ANKRD66: variants seen among roughly 807,000 people sequenced by gnomAD.
The protein encoded by ANKRD66 is ankyrin repeat domain-containing protein 66.
A neutral mutation model predicts 10.9 loss-of-function variants in ANKRD66; 10 were observed. That is an observed-to-expected ratio of 0.91 (90% CI 0.56 to 1.55). The LOEUF (loss-of-function observed/expected upper bound fraction) is 1.55. Ranked by LOEUF, ANKRD66 falls within the 40% of genes most tolerant of loss-of-function variation. ANKRD66 has a pLI of 0.00. For missense variants in ANKRD66, 252 were observed against 242.9 expected, an observed-to-expected ratio of 1.04 and a Z score of -0.25; for synonymous variants, 85 against 88.4, an observed-to-expected ratio of 0.96 and a Z score of 0.22.
At chr6:46,751,451 T>C (rs1766266077) in intron 2 of ANKRD66, among the ~76,000 whole-genome samples, 1 of 152,220 alleles carries the variant, frequency 6.6e-6, no homozygotes, top group Non-Finnish European at 1.5e-5. Flanking sequence ...ACACTAATAC[T>C]ATTTAATTTT....
chr6:46,758,625 C>G (rs1302506302), intron 4 of ANKRD66, 98 bp from the exon 5 acceptor site: 4 of 1,206,192 alleles, frequency 3.3e-6, no homozygotes, highest in Non-Finnish European at 4.4e-6. Context: ...TCCTTCTCAA[C>G]TGAACTGCGG....
At chr6:46,756,206 C>G in intron 4 of ANKRD66, 1 of 309,858 alleles carries the variant, frequency 3.2e-6, no homozygotes, top group East Asian at 1.0e-4. Context: ...CATGTCCTTC[C>G]TCTGACTTGT....
At chr6:46,755,271 G>GA (rs1195791469) in intron 4 of ANKRD66, among the ~76,000 whole-genome samples, 4 of 152,150 alleles carry the variant, frequency 2.6e-5, no homozygotes, top group Non-Finnish European at 5.9e-5. Context: ...TTCAGCTAGA[G>GA]AAAATCCCAC....
At chr6:46,758,636 T>C (rs954686996) in intron 4 of ANKRD66, 87 bp from the exon 5 acceptor site, 1 of 1,291,876 alleles carries the variant, frequency 7.7e-7, no homozygotes, top group Non-Finnish European at 1.0e-6. Flanking sequence ...TGAACTGCGG[T>C]GTGCAGAACC....
In ANKRD66 at chr6:46,758,929, A is replaced by G. The variant is rs1325378464; in HGVS notation, c.*8A>G. The G allele has an allele frequency of 1.3e-6, 2 of 1,532,468 alleles. No homozygotes were observed. Among genetic ancestry groups the G allele is most frequent in the South Asian group, 1.2e-5 (1 of 82,288 alleles). 94.9% of individuals were successfully genotyped at this position (1,532,468 alleles called of 1,614,324 possible). On this transcript the variant is annotated 3_prime_UTR_variant, in exon 5 of 5. Coordinates refer to ENST00000565422, the MANE Select transcript of ANKRD66 (RefSeq NM_001162435.3). ...AAGGGGAGGAGAGTATGAGAACTCA[A>G]CCTTATGTTTTCTGGCAAGGAACTT...
intron 4 of ANKRD66, chr6:46,756,119 G>A (rs1281834522): frequency 4.5e-6 from 2 of 440,976 alleles, no homozygotes; most frequent in African/African-American, 2.0e-5. Flanking sequence ...AGAAACGCCT[G>A]ACTTCTTTAG....
Position 46,751,946 on chromosome 6 carries a change from G to T in ANKRD66, c.-3G>T. The T allele has an allele frequency of 6.9e-7, 1 of 1,447,238 alleles. No homozygotes were observed. The highest frequency in any genetic ancestry group is 3.0e-5 in the Admixed American group (1 of 33,376). 89.6% of individuals were successfully genotyped at this position (1,447,238 alleles called of 1,614,324 possible). A position where few individuals can be genotyped will look rare whatever the true frequency, so the allele number is the denominator to read the frequency against. ...CATGTCTCTCCCACAGTTGTTTTCT[G>T]CCATGGAATTGGCCAAAATGTCAGA... On this transcript the variant is annotated 5_prime_UTR_variant, in exon 3 of 5. Transcript: ENST00000565422.
intron 1 of ANKRD66, among the ~76,000 whole-genome samples, chr6:46,748,754 A>G (rs1023806557): frequency 6.6e-6 from 1 of 152,156 alleles, no homozygotes; most frequent in African/African-American, 2.4e-5. Context: ...GTATCCCCTC[A>G]GTTGAGAACA....
intron 2 of ANKRD66, among the ~76,000 whole-genome samples, chr6:46,751,318 C>T (rs185712592): frequency 5.0e-4 from 76 of 152,336 alleles, no homozygotes; most frequent in Admixed American, 2.1e-3. Flanking sequence ...CCTGAAAGTG[C>T]TCCAGGGATT....
chr6:46,749,115 C>T (rs1267496152), intron 1 of ANKRD66, among the ~76,000 whole-genome samples: 1 of 152,228 alleles, frequency 6.6e-6, no homozygotes, highest in Non-Finnish European at 1.5e-5. Flanking sequence ...GCAATGCCCT[C>T]TGCCCCTGCT....
At chr6:46,748,339 T>C (rs1224140003) in intron 1 of ANKRD66, among the ~76,000 whole-genome samples, 2 of 152,172 alleles carry the variant, frequency 1.3e-5, no homozygotes, top group African/African-American at 4.8e-5. Flanking sequence ...AACTCACCCA[T>C]GGAAAGTTAT....
In ANKRD66 at chr6:46,747,002, T is replaced by A. The variant is rs1215639130; in HGVS notation, c.-97+12T>A. 1.3e-6 allele frequency: 2 copies of A among 1,534,974 alleles called. No individual in the cohort carries two copies. Among genetic ancestry groups the A allele is most frequent in the Admixed American group, 3.9e-5 (2 of 50,992 alleles). Reference sequence around the variant, plus strand: ...TTTCACACAAGACAGTAAGTGTTTTTAAGTTACCCTCTCTTATTTACTATA... The same window carrying A: ...TTTCACACAAGACAGTAAGTGTTTTAAAGTTACCCTCTCTTATTTACTATA... On this transcript the variant is annotated intron_variant, in intron 1 of 4. Coordinates refer to ENST00000565422, the MANE Select transcript of ANKRD66 (RefSeq NM_001162435.3).
At chr6:46,750,649 A>T (rs1201594232) in intron 2 of ANKRD66, among the ~76,000 whole-genome samples, 1 of 148,512 alleles carries the variant, frequency 6.7e-6, no homozygotes, top group Non-Finnish European at 1.5e-5. Context: ...TGTATATATA[A>T]TATATAATTA....
intron 4 of ANKRD66, chr6:46,756,596 C>A (rs1353708665): frequency 6.6e-6 from 1 of 152,302 alleles, no homozygotes; most frequent in Non-Finnish European, 1.5e-5. Flanking sequence ...TTTGAGGAAA[C>A]TAATCTATGT....
chr6:46,753,468 A>G (rs955331272), intron 3 of ANKRD66, among the ~76,000 whole-genome samples: 3 of 152,022 alleles, frequency 2.0e-5, no homozygotes, highest in Non-Finnish European at 4.4e-5. Flanking sequence ...AGGGGAGGGG[A>G]GTGTCCTGGA....
intron 4 of ANKRD66, among the ~76,000 whole-genome samples, chr6:46,755,282 G>T (rs16874995): frequency 6.6e-6 from 1 of 152,110 alleles, no homozygotes; most frequent in Non-Finnish European, 1.5e-5. Flanking sequence ...AAAATCCCAC[G>T]TCAATATATG....
rs2150729421 is a variant in ANKRD66 at position 46,759,417 on chromosome 6, A to G, written c.*496A>G. On this transcript the variant is annotated 3_prime_UTR_variant, in exon 5 of 5. Transcript: ENST00000565422. The stretch of plus-strand genomic sequence containing the variant: ...CAAACACTTAGTACAAAAATATAAA[A>G]TGTCTCCTTAATAATACTTAATATT... 6.6e-6 allele frequency: 1 copy of G among 152,448 alleles called. No homozygotes were observed. The highest frequency in any genetic ancestry group is 6.5e-5 in the Admixed American group (1 of 15,310). The allele number at this position is 152,448 out of a possible 1,614,324, so 9.4% of individuals were successfully genotyped here. A position where few individuals can be genotyped will look rare whatever the true frequency, so the allele number is the denominator to read the frequency against.
chr6:46,749,812 TTGTGAA>T, intron 1 of ANKRD66, 78 bp from the exon 2 acceptor site: 1 of 1,450,284 alleles, frequency 6.9e-7, no homozygotes, highest in South Asian at 1.4e-5. Context: ...TTTCCGGTCT[TTGTGAA>T]TGGTTCTTTC....
chr6:46,748,064 C>T, intron 1 of ANKRD66, among the ~76,000 whole-genome samples: 1 of 152,256 alleles, frequency 6.6e-6, no homozygotes, highest in East Asian at 1.9e-4. Flanking sequence ...CACAGGAATA[C>T]ATCTTTGTGA....
Sources: gnomAD v4.1 joint callset for allele counts (sites outside exome capture counted in the v4.1 genomes callset) on GRCh38, gnomAD v4.1.1 for gene constraint, MANE v1.5 for transcripts, NCBI Gene and HGNC (gene_info 2026-07-23, HGNC 2026-07-21) for gene names.